The following LRMDA variants were observed in gnomAD, a reference collection of about 807,000 sequenced individuals.
The protein encoded by LRMDA is leucine-rich melanocyte differentiation-associated protein.
A neutral mutation model predicts 29.8 loss-of-function variants in LRMDA; 18 were observed. The ratio of observed to expected loss-of-function variants is 0.60; its 90% CI spans 0.42 to 0.90. LRMDA has a LOEUF of 0.90. Ranked by LOEUF, LRMDA falls within the 40% of genes least tolerant of loss-of-function variation. The pLI, the probability that LRMDA is intolerant of heterozygous loss-of-function variation, is 0.00. For missense variants in LRMDA, 273 were observed against 273.9 expected, an observed-to-expected ratio of 1.00 and a Z score of 0.02; for synonymous variants, 125 against 109.4, an observed-to-expected ratio of 1.14 and a Z score of -0.89.
intron 2 of LRMDA, among the ~76,000 whole-genome samples, chr10:75,815,041 A>G (rs1328004249): frequency 6.6e-6 from 1 of 152,166 alleles, no homozygotes; most frequent in Non-Finnish European, 1.5e-5. Context: ...ATTATTCAAA[A>G]TTTCCCTACC....
intron 5 of LRMDA, among the ~76,000 whole-genome samples, chr10:76,317,616 C>G (rs551005491): frequency 6.6e-6 from 1 of 152,326 alleles, no homozygotes; most frequent in African/African-American, 2.4e-5. Context: ...CTCTGTCACC[C>G]AGGCTGGAGT....
chr10:76,207,352 G>A (rs142664757), intron 5 of LRMDA, among the ~76,000 whole-genome samples: 1 of 152,278 alleles, frequency 6.6e-6, no homozygotes, highest in African/African-American at 2.4e-5. Flanking sequence ...TAAGACTGAG[G>A]ACCACTGCCA....
At chr10:76,147,482 A>C (rs1314223898) in intron 5 of LRMDA, among the ~76,000 whole-genome samples, 6 of 152,074 alleles carry the variant, frequency 3.9e-5, no homozygotes, top group African/African-American at 7.2e-5. Context: ...GGCATCGGCT[A>C]CTGAGGCTTC....
chr10:75,723,290 G>A (rs936461055), intron 2 of LRMDA, among the ~76,000 whole-genome samples: 1 of 152,214 alleles, frequency 6.6e-6, no homozygotes, highest in African/African-American at 2.4e-5. Context: ...TGGAACTGGG[G>A]ACATTTAACC....
intron 6 of LRMDA, among the ~76,000 whole-genome samples, chr10:76,329,249 G>C (rs537774142): frequency 6.6e-6 from 1 of 152,348 alleles, no homozygotes; most frequent in Non-Finnish European, 1.5e-5. Context: ...AACCTTAGAA[G>C]AAAGCAGATG....
chr10:75,537,163 T>A (rs1253715084), intron 2 of LRMDA, among the ~76,000 whole-genome samples: 1 of 152,162 alleles, frequency 6.6e-6, no homozygotes, highest in Non-Finnish European at 1.5e-5. Flanking sequence ...TACTTTGTGT[T>A]CATTATTTTT....
At chr10:76,032,795 C>G (rs577834374) in intron 2 of LRMDA, among the ~76,000 whole-genome samples, 1 of 152,178 alleles carries the variant, frequency 6.6e-6, no homozygotes, top group African/African-American at 2.4e-5. Context: ...GAACCTTGCT[C>G]TCTCCTATCA....
At chr10:76,011,729 G>A (rs144616745) in intron 2 of LRMDA, among the ~76,000 whole-genome samples, 163 of 152,328 alleles carry the variant, frequency 1.1e-3, no homozygotes, top group African/African-American at 3.8e-3. Context: ...CCCTTCCCCT[G>A]TGGAGTGGTG....
intron 5 of LRMDA, among the ~76,000 whole-genome samples, chr10:76,125,329 A>G (rs1035556484): frequency 2.0e-5 from 3 of 152,112 alleles, no homozygotes; most frequent in Admixed American, 6.5e-5. Context: ...GATTTGGAGA[A>G]TTTTCATTCT....
At chr10:75,696,152 T>C (rs1214563017) in intron 2 of LRMDA, among the ~76,000 whole-genome samples, 1 of 152,162 alleles carries the variant, frequency 6.6e-6, no homozygotes, top group Non-Finnish European at 1.5e-5. Context: ...CCATTATTGG[T>C]TTATCAGTTA....
At chr10:75,864,183 G>C (rs763109574) in intron 2 of LRMDA, among the ~76,000 whole-genome samples, 50 of 152,188 alleles carry the variant, frequency 3.3e-4, no homozygotes, top group Non-Finnish European at 6.5e-4. Flanking sequence ...TATTTGCAGT[G>C]TTATTTTGAA....
At position 75,774,698 on chromosome 10, in the gene LRMDA, C is replaced by CT. The variant is rs11442623; in HGVS notation, c.132-261300dup. Among the ~76,000 whole-genome samples the CT allele has an allele frequency of 8.4e-3, 1,252 of 149,164 alleles. 18 individuals are homozygous for CT. Among genetic ancestry groups the CT allele is most frequent in the Admixed American group, 0.037 (547 of 14,968 alleles). ...AGTGATCAGTAGCCTATCTCAAACA[C>CT]TTTTTTTTTTGCTTTATTTATATCT... is the stretch of plus-strand genomic sequence containing the variant. On this transcript the variant is annotated intron_variant, in intron 2 of 6. Transcript: ENST00000611255.
At position 76,394,192 on chromosome 10, in the gene LRMDA, A is replaced by G. The variant is rs556593768; in HGVS notation, c.601+69707A>G. The stretch of plus-strand genomic sequence containing the variant: ...TTAAAAAGGCATTCTCAGAAACTGA[A>G]GTTTAAATAAACCATTTGTTTAATG... On this transcript the variant is annotated intron_variant, in intron 6 of 6. Transcript: ENST00000611255. 2.8e-3 allele frequency among the ~76,000 whole-genome samples: 432 copies of G among 152,296 alleles called. 8 individuals carry two copies. In the South Asian group the frequency reaches 0.04, roughly 14 times the overall value.
At chr10:75,544,660 T>A (rs1320468006) in intron 2 of LRMDA, among the ~76,000 whole-genome samples, 1 of 152,186 alleles carries the variant, frequency 6.6e-6, no homozygotes, top group Non-Finnish European at 1.5e-5. Context: ...AATGTTATTC[T>A]TTTTTTGTGT....
At chr10:75,870,472 CT>C (rs1845091307) in intron 2 of LRMDA, among the ~76,000 whole-genome samples, 1 of 152,340 alleles carries the variant, frequency 6.6e-6, no homozygotes, top group South Asian at 2.1e-4. Flanking sequence ...TTGCAAAAGA[CT>C]GACTCTCTCC....
intron 3 of LRMDA, among the ~76,000 whole-genome samples, chr10:76,037,677 C>CAG (rs1444736472): frequency 6.6e-6 from 1 of 152,136 alleles, no homozygotes; most frequent in Non-Finnish European, 1.5e-5. Flanking sequence ...CATCACATAG[C>CAG]AGAGAGAGAG....
chr10:75,710,109 C>T (rs901723438), intron 2 of LRMDA, among the ~76,000 whole-genome samples: 5 of 152,186 alleles, frequency 3.3e-5, no homozygotes, highest in Non-Finnish European at 7.3e-5. Context: ...CTGTGAATAA[C>T]ATTATAGCCC....
At chr10:76,350,701 C>G (rs889835107) in intron 6 of LRMDA, among the ~76,000 whole-genome samples, 3 of 152,084 alleles carry the variant, frequency 2.0e-5, no homozygotes, top group Non-Finnish European at 2.9e-5. Flanking sequence ...GAAAGTAATT[C>G]CATTGCTGTC....
At chr10:75,471,721 T>C (rs1276891496) in intron 2 of LRMDA, among the ~76,000 whole-genome samples, 1 of 152,256 alleles carries the variant, frequency 6.6e-6, no homozygotes, top group South Asian at 2.1e-4. Flanking sequence ...CGTACTTTAA[T>C]GTAAACCAGT....
Sources: gnomAD v4.1 joint callset for allele counts (sites outside exome capture counted in the v4.1 genomes callset) on GRCh38, gnomAD v4.1.1 for gene constraint, MANE v1.5 for transcripts, NCBI Gene and HGNC (gene_info 2026-07-23, HGNC 2026-07-21) for gene names.